RPS6KC1: variants seen among roughly 807,000 people sequenced by gnomAD.
The protein encoded by RPS6KC1 is inactive ribosomal protein S6 kinase delta-1.
RPS6KC1 carries 54 observed loss-of-function variants against 103.8 expected under a neutral mutation model. The observed-to-expected ratio is 0.52, with a 90% CI of 0.42 to 0.65. The LOEUF is 0.65. Among genes scored for constraint, RPS6KC1 ranks in the 30% least tolerant of loss-of-function variants. The pLI is 0.00. For missense variants in RPS6KC1, 1,151 were observed against 1,253.8 expected (o/e 0.92, Z 1.24); for synonymous variants, 439 against 438.7 (o/e 1.00, Z -0.01).
intron 8 of RPS6KC1, among the ~76,000 whole-genome samples, chr1:213,203,108 G>C (rs987980451): frequency 1.3e-5 from 2 of 152,102 alleles, no homozygotes; most frequent in Non-Finnish European, 1.5e-5. Flanking sequence ...CCTACTAGTA[G>C]TACAGATTGA....
intron 8 of RPS6KC1, among the ~76,000 whole-genome samples, chr1:213,212,161 T>G (rs1375491813): frequency 6.6e-6 from 1 of 152,186 alleles, no homozygotes; most frequent in African/African-American, 2.4e-5. Flanking sequence ...AAATGTATAA[T>G]GACCATGTAT....
chr1:213,147,172 T>G (rs2087965087), intron 6 of RPS6KC1, among the ~76,000 whole-genome samples: 2 of 152,232 alleles, frequency 1.3e-5, no homozygotes, highest in Admixed American at 6.5e-5. Context: ...TTGTATCATT[T>G]GCTGTGCAGA....
chr1:213,550,817 C>G, the RPS6KC1 span, among the ~76,000 whole-genome samples: 1 of 152,160 alleles, frequency 6.6e-6, no homozygotes, highest in African/African-American at 2.4e-5. Flanking sequence ...GGCACTGTAA[C>G]CCTGACCTGA....
chr1:213,802,747 C>T, the RPS6KC1 span, among the ~76,000 whole-genome samples: 2 of 152,164 alleles, frequency 1.3e-5, no homozygotes, highest in African/African-American at 2.4e-5. Context: ...AGAATTGACC[C>T]TTGAAAGATA....
intron 8 of RPS6KC1, among the ~76,000 whole-genome samples, chr1:213,186,059 C>T (rs2148416284): frequency 6.6e-6 from 1 of 151,092 alleles, no homozygotes; most frequent in East Asian, 1.9e-4. Context: ...TTAGTTGTCT[C>T]ACTTTTCATT....
At chr1:213,829,486 C>G in the RPS6KC1 span, among the ~76,000 whole-genome samples, 4 of 152,216 alleles carry the variant, frequency 2.6e-5, no homozygotes, top group East Asian at 7.7e-4. Flanking sequence ...AGGGTCATAT[C>G]ATCAAAGCCT....
Position 213,247,041 on chromosome 1 carries a change from G to T in RPS6KC1, c.2911+4383G>T, listed in dbSNP as rs577623523. Among the ~76,000 whole-genome samples the T allele has an allele frequency of 1.6e-4, 24 of 152,252 alleles. 1 individual carries two copies. In the South Asian group the frequency reaches 3.7e-3, roughly 24 times the overall value. On this transcript the variant is annotated intron_variant, in intron 12 of 14. Transcript: ENST00000366960. ...TTGATATGGTATCCTATCAGTGTGT[G>T]TCCTTCACTTTTATTTTCTGCCCTA...
chr1:213,063,155 C>T (rs1408977118), intron 1 of RPS6KC1, among the ~76,000 whole-genome samples: 1 of 152,152 alleles, frequency 6.6e-6, no homozygotes, highest in Non-Finnish European at 1.5e-5. Context: ...GTTCCAAGCC[C>T]CTTGTTTATT....
the RPS6KC1 span, among the ~76,000 whole-genome samples, chr1:213,799,965 G>A: frequency 6.6e-6 from 1 of 152,098 alleles, no homozygotes; most frequent in Non-Finnish European, 1.5e-5. Flanking sequence ...GTCTTTAGAT[G>A]GCTACCTTGT....
At chr1:213,444,365 G>T in the RPS6KC1 span, among the ~76,000 whole-genome samples, 1 of 152,060 alleles carries the variant, frequency 6.6e-6, no homozygotes, top group African/African-American at 2.4e-5. Context: ...CACTCTCTTT[G>T]GGATGTTCCT....
chr1:213,109,419 G>T (rs1017619511), intron 4 of RPS6KC1, among the ~76,000 whole-genome samples: 11 of 152,210 alleles, frequency 7.2e-5, no homozygotes, highest in African/African-American at 2.4e-4. Flanking sequence ...TTACAGGCAT[G>T]AGCAACCGTG....
chr1:213,565,765 G>A, the RPS6KC1 span, among the ~76,000 whole-genome samples: 27 of 151,916 alleles, frequency 1.8e-4, no homozygotes, highest in South Asian at 2.3e-3. Flanking sequence ...AACAAATATC[G>A]AACTTCATTA....
the RPS6KC1 span, among the ~76,000 whole-genome samples, chr1:213,357,110 C>T: frequency 4.6e-5 from 7 of 151,632 alleles, no homozygotes; most frequent in South Asian, 2.1e-4. Context: ...GCACCTACAT[C>T]GGGATCACCT....
the RPS6KC1 span, among the ~76,000 whole-genome samples, chr1:213,415,910 TA>T: frequency 6.6e-6 from 1 of 152,224 alleles, no homozygotes; most frequent in South Asian, 2.1e-4. Context: ...GACATGCTCA[TA>T]CTTGGCAAAG....
chr1:213,728,170 ATG>A, the RPS6KC1 span, among the ~76,000 whole-genome samples: 20 of 152,270 alleles, frequency 1.3e-4, no homozygotes, highest in East Asian at 2.9e-3. Flanking sequence ...GGGAAAAATA[ATG>A]GGAAAGAGTG....
intron 8 of RPS6KC1, among the ~76,000 whole-genome samples, chr1:213,213,229 T>G (rs991239565): frequency 7.2e-5 from 11 of 152,218 alleles, no homozygotes; most frequent in Non-Finnish European, 1.3e-4. Flanking sequence ...CTATGATCCA[T>G]TTTGTTAATT....
At chr1:213,155,517 C>T (rs1213500512) in intron 6 of RPS6KC1, among the ~76,000 whole-genome samples, 1 of 152,098 alleles carries the variant, frequency 6.6e-6, no homozygotes, top group Non-Finnish European at 1.5e-5. Flanking sequence ...GTCCAGTTTT[C>T]CTTTTTGCTC....
At chr1:213,662,216 G>C in the RPS6KC1 span, among the ~76,000 whole-genome samples, 1 of 70,242 alleles carries the variant, frequency 1.4e-5, no homozygotes, top group Non-Finnish European at 3.1e-5. Flanking sequence ...TGCTTAGCCT[G>C]TGTGCCTAGA....
the RPS6KC1 span, among the ~76,000 whole-genome samples, chr1:213,284,403 C>T: frequency 6.8e-6 from 1 of 147,786 alleles, no homozygotes; most frequent in Non-Finnish European, 1.5e-5. Flanking sequence ...ATCTCAGCTA[C>T]TCAGGAGGCT....
Sources: allele counts gnomAD v4.1 joint callset (sites outside exome capture counted in the v4.1 genomes callset), GRCh38; gene constraint gnomAD v4.1.1; transcripts MANE v1.5; gene names NCBI Gene and HGNC (gene_info 2026-07-23, HGNC 2026-07-21).